The following PDE4D variants were observed in gnomAD, a reference collection of about 807,000 sequenced individuals.
The protein encoded by PDE4D is phosphodiesterase 4D, also known as 3',5'-cyclic-AMP phosphodiesterase 4D.
A neutral mutation model predicts 87.4 loss-of-function variants in PDE4D; 24 were observed. That is an observed-to-expected ratio of 0.27 (90% CI 0.20 to 0.39). PDE4D has a LOEUF of 0.39. PDE4D is among the 10% of genes least tolerant of loss of function. The pLI is 1.00. For synonymous variants in PDE4D, 384 were observed against 383.2 expected, an observed-to-expected ratio of 1.00 and a Z score of -0.02; for missense variants, 714 against 1,041.0, an observed-to-expected ratio of 0.69 and a Z score of 4.32.
In PDE4D at chr5:60,192,161, T is replaced by C. The variant is rs149228814; in HGVS notation, c.-89-6474A>G. Among the ~76,000 whole-genome samples the C allele has an allele frequency of 7.0e-4, 107 of 152,274 alleles. 1 individual carries two copies. Among genetic ancestry groups the C allele is most frequent in the African/African-American group, 2.6e-3 (106 of 41,560 alleles). ...ATGTTTTAATTAATAAGTAGAAATT[T>C]TGCAAAATTGGAAATAAAATTATAT... is the stretch of plus-strand genomic sequence containing the variant. On this transcript the variant is annotated intron_variant, in intron 1 of 16. Coordinates refer to the PDE4D transcript ENST00000502484.
intron 2 of PDE4D, among the ~76,000 whole-genome samples, chr5:60,107,796 C>A (rs1267614709): frequency 6.6e-6 from 1 of 152,044 alleles, no homozygotes; most frequent in Non-Finnish European, 1.5e-5. Flanking sequence ...AGGCCTTTGA[C>A]AAAATTCAAC....
At chr5:59,755,574 T>C (rs1455484709) in intron 1 of PDE4D, among the ~76,000 whole-genome samples, 2 of 152,130 alleles carry the variant, frequency 1.3e-5, no homozygotes, top group African/African-American at 2.4e-5. Context: ...AGAGGAGAAC[T>C]GTAGAAATCA....
intron 5 of PDE4D, among the ~76,000 whole-genome samples, chr5:59,176,781 T>C (rs554113540): frequency 1.1e-3 from 173 of 152,258 alleles, no homozygotes; most frequent in African/African-American, 3.8e-3. Flanking sequence ...CAACTATGAC[T>C]CAAAAGTGAG....
chr5:59,633,992 A>T (rs922318519), intron 1 of PDE4D, among the ~76,000 whole-genome samples: 2 of 152,172 alleles, frequency 1.3e-5, no homozygotes, highest in African/African-American at 4.8e-5. Flanking sequence ...TAGTAGACTC[A>T]TCTCATGTGC....
chr5:60,038,964 T>C (rs1768140488), intron 2 of PDE4D, among the ~76,000 whole-genome samples: 2 of 150,522 alleles, frequency 1.3e-5, no homozygotes, highest in Non-Finnish European at 3.0e-5. Context: ...TGTGGAGAAA[T>C]AGGAACACTT....
intron 1 of PDE4D, among the ~76,000 whole-genome samples, chr5:60,265,349 G>A (rs990022370): frequency 6.6e-6 from 1 of 152,198 alleles, no homozygotes; most frequent in African/African-American, 2.4e-5. Flanking sequence ...TGACTGGCTT[G>A]TTTGAATAAT....
At chr5:59,767,076 C>T (rs1762888329) in intron 1 of PDE4D, among the ~76,000 whole-genome samples, 1 of 152,144 alleles carries the variant, frequency 6.6e-6, no homozygotes, top group South Asian at 2.1e-4. Flanking sequence ...CATTCCTGAG[C>T]ACGGTCTTGT....
rs577258152 is a variant in PDE4D at position 60,423,726 on chromosome 5, A to G, written c.-90+64216T>C. On this transcript the variant is annotated intron_variant, in intron 1 of 16. Coordinates refer to the PDE4D transcript ENST00000502484. ...GAACTGAAGGAGATAGAGACACACA[A>G]AAAACCCTTCAAAAAATCAATGAAT... Among the ~76,000 whole-genome samples, 294 of 152,300 alleles carry G rather than the reference A, an allele frequency of 1.9e-3. 2 individuals are homozygous for G. Among genetic ancestry groups the G allele is most frequent in the Non-Finnish European group, 3.0e-3 (201 of 68,026 alleles).
chr5:60,042,694 C>T (rs769837353), intron 2 of PDE4D, among the ~76,000 whole-genome samples: 26 of 152,150 alleles, frequency 1.7e-4, no homozygotes, highest in Non-Finnish European at 3.1e-4. Flanking sequence ...AGCAGACCTG[C>T]AGCAGAGAGG....
intron 1 of PDE4D, among the ~76,000 whole-genome samples, chr5:59,572,760 G>T (rs202041002): frequency 6.6e-6 from 1 of 152,148 alleles, no homozygotes. Flanking sequence ...GATTACAGGC[G>T]TGAGCCACCA....
intron 3 of PDE4D, among the ~76,000 whole-genome samples, chr5:59,976,279 A>C (rs1761321458): frequency 6.6e-6 from 1 of 152,052 alleles, no homozygotes; most frequent in South Asian, 2.1e-4. Flanking sequence ...GCTTTGCTTG[A>C]TATGGTTTGG....
At chr5:59,784,040 C>A (rs1453646877) in intron 1 of PDE4D, among the ~76,000 whole-genome samples, 1 of 152,062 alleles carries the variant, frequency 6.6e-6, no homozygotes, top group South Asian at 2.1e-4. Flanking sequence ...TCCTGAGTGA[C>A]AGAGTGAGAC....
intron 1 of PDE4D, among the ~76,000 whole-genome samples, chr5:59,311,298 G>A (rs910183640): frequency 1.3e-5 from 2 of 151,618 alleles, no homozygotes; most frequent in East Asian, 1.9e-4. Context: ...AGGCCAAGGC[G>A]GGTGGATCAC....
chr5:60,151,450 T>A (rs1781488245), intron 2 of PDE4D, among the ~76,000 whole-genome samples: 1 of 152,202 alleles, frequency 6.6e-6, no homozygotes, highest in Non-Finnish European at 1.5e-5. Context: ...TAACGTTGTA[T>A]AGTTTTCAGT....
chr5:59,970,742 C>A (rs1248489906), intron 3 of PDE4D, among the ~76,000 whole-genome samples: 1 of 147,818 alleles, frequency 6.8e-6, no homozygotes, highest in African/African-American at 2.5e-5. Flanking sequence ...AATAGGAACA[C>A]TTTTACACTG....
chr5:59,983,423 A>T (rs183654028), intron 3 of PDE4D, among the ~76,000 whole-genome samples: 1 of 150,884 alleles, frequency 6.6e-6, no homozygotes, highest in Admixed American at 6.6e-5. Flanking sequence ...CATAAAGTAA[A>T]AATTCAAGAC....
chr5:60,017,038 T>C (rs1467898425), intron 2 of PDE4D, among the ~76,000 whole-genome samples: 1 of 152,246 alleles, frequency 6.6e-6, no homozygotes, highest in Non-Finnish European at 1.5e-5. Flanking sequence ...GATCCATTGA[T>C]TGCAGAATGA....
At chr5:59,076,800 A>G (rs921261059) in intron 5 of PDE4D, among the ~76,000 whole-genome samples, 4 of 152,138 alleles carry the variant, frequency 2.6e-5, no homozygotes, top group African/African-American at 9.7e-5. Context: ...AAAAGCTCCA[A>G]CAACATAGTA....
At chr5:59,931,276 G>T (rs1755885973) in intron 3 of PDE4D, among the ~76,000 whole-genome samples, 1 of 152,136 alleles carries the variant, frequency 6.6e-6, no homozygotes, top group African/African-American at 2.4e-5. Context: ...TTTCAAAATA[G>T]TATTTGTTTT....
Sources: allele counts gnomAD v4.1 joint callset (sites outside exome capture counted in the v4.1 genomes callset), GRCh38; gene constraint gnomAD v4.1.1; transcripts MANE v1.5; gene names NCBI Gene and HGNC (gene_info 2026-07-23, HGNC 2026-07-21).